The following CNNM4 variants were observed in gnomAD, a reference collection of about 807,000 sequenced individuals.
The protein encoded by CNNM4 is cyclin and CBS domain divalent metal cation transport mediator 4.
In CNNM4, 32 loss-of-function variants were observed where a neutral mutation model predicts 53.7. That is an observed-to-expected ratio of 0.60 (90% CI 0.45 to 0.80). The LOEUF (loss-of-function observed/expected upper bound fraction) is 0.80, where lower values mean the gene tolerates loss of function less well. CNNM4 is among the 30% of genes least tolerant of loss of function. The pLI, the probability that CNNM4 is intolerant of heterozygous loss-of-function variation, is 0.00. For missense variants in CNNM4, 784 were observed against 1,022.0 expected (o/e 0.77, Z 3.17); for synonymous variants, 410 against 440.0 (o/e 0.93, Z 0.85).
Position 96,797,484 on chromosome 2 carries a change from T to C in CNNM4, c.1547-29T>C, listed in dbSNP as rs2153349350. ...CTTCCTAAGTCCTCAGGGGTCTGTG[T>C]TCTCAATTCCACGCTCTTCTTCCGG... On this transcript the variant is annotated intron_variant, in intron 2 of 6. Coordinates refer to ENST00000377075, the MANE Select transcript of CNNM4 (RefSeq NM_020184.4). The surrounding 1 kb of genome is among the most constrained non-coding windows in gnomAD (Gnocchi z 6.0). 1 of 1,612,810 alleles carries C rather than the reference T, an allele frequency of 6.2e-7. No homozygotes were observed. The highest frequency in any genetic ancestry group is 2.2e-5 in the East Asian group (1 of 44,888).
chr2:96,769,023 G>A (rs1032136536), intron 1 of CNNM4, among the ~76,000 whole-genome samples: 8 of 151,942 alleles, frequency 5.3e-5, no homozygotes, highest in African/African-American at 9.7e-5. Flanking sequence ...AGGCCGAGGC[G>A]GGCGGATCAT....
intron 5 of CNNM4, 118 bp downstream of exon 5, chr2:96,799,766 G>A (rs2079142314): frequency 3.2e-6 from 3 of 927,896 alleles, no homozygotes; most frequent in Non-Finnish European, 5.2e-6. Flanking sequence ...CTGGGGCAGA[G>A]GGAGGCTGGT....
At position 96,796,960 on chromosome 2, in the gene CNNM4, G is replaced by A. The variant is rs554312110; in HGVS notation, c.1403-52G>A. ...TAGAGTTAATGTTTTGGTTGAGGGAGTCTCATGACTGGCCTCTGGGCTCTT... is the reference window on the plus strand; with the variant it reads ...TAGAGTTAATGTTTTGGTTGAGGGAATCTCATGACTGGCCTCTGGGCTCTT... On this transcript the variant is annotated intron_variant, in intron 1 of 6. Coordinates refer to ENST00000377075, the MANE Select transcript of CNNM4 (RefSeq NM_020184.4). The A allele has an allele frequency of 3.6e-5, 57 of 1,599,480 alleles. No individual in the cohort carries two copies. The Middle Eastern group carries it at 9.0e-4, about 25-fold the overall frequency.
intron 5 of CNNM4, 36 bp downstream of exon 5, chr2:96,799,684 C>CT: frequency 6.7e-7 from 1 of 1,484,046 alleles, no homozygotes; most frequent in Non-Finnish European, 9.2e-7. Context: ...TGCCCTTTGG[C>CT]CCCCCTGCAG....
At chr2:96,768,977 T>C (rs1450001556) in intron 1 of CNNM4, among the ~76,000 whole-genome samples, 1 of 152,070 alleles carries the variant, frequency 6.6e-6, no homozygotes. Flanking sequence ...AGAGGCCGGG[T>C]GCGGTGGCTT....
rs1024490932 is a variant in CNNM4, at chr2:96,776,553, GAGCACC to G, written c.1402+14155_1402+14160del. 5.3e-5 allele frequency among the ~76,000 whole-genome samples: 8 copies of G among 152,172 alleles called. No homozygotes were observed. In the South Asian group the frequency reaches 1.5e-3, roughly 28 times the overall value. Reference sequence around the variant, plus strand: ...AACCATTATCACCTACTGATCTATGGAGCACCAGGTCTTATTTCTTCTAAGTGTATA... The same window carrying G: ...AACCATTATCACCTACTGATCTATGGAGGTCTTATTTCTTCTAAGTGTATA... On this transcript the variant is annotated intron_variant, in intron 1 of 6. Transcript: ENST00000377075.
intron 1 of CNNM4, among the ~76,000 whole-genome samples, chr2:96,785,157 C>T (rs887309552): frequency 1.3e-5 from 2 of 152,148 alleles, no homozygotes; most frequent in Admixed American, 1.3e-4. Context: ...GGATTACAGG[C>T]ATGAGCCACT....
At chr2:96,804,811 C>T (rs966182814) in intron 5 of CNNM4, among the ~76,000 whole-genome samples, 50 of 151,686 alleles carry the variant, frequency 3.3e-4, no homozygotes, top group Admixed American at 1.7e-3. Context: ...GCTGGGATTA[C>T]GGGTGTGAGC....
At chr2:96,803,725 TAAA>T (rs75290184) in intron 5 of CNNM4, among the ~76,000 whole-genome samples, 1 of 143,530 alleles carries the variant, frequency 7.0e-6, no homozygotes, top group Non-Finnish European at 1.5e-5. Context: ...AAACTCTGTC[TAAA>T]AAAAAAAAAA....
In CNNM4 at chr2:96,799,076, C is replaced by T. The variant is rs569959107; in HGVS notation, c.1701C>T (p.Pro567=). The change falls in exon 4 of 7, where the codon CCC becomes CCT. Residue 567 remains proline, a synonymous_variant. Coordinates refer to ENST00000377075, the MANE Select transcript of CNNM4 (RefSeq NM_020184.4). ...CTACAGAGGTCTCTCAGTTTAGCCCCTCCCTGATATCAGAGAAGATCCTGC... is the reference window on the plus strand; with the variant it reads ...CTACAGAGGTCTCTCAGTTTAGCCCTTCCCTGATATCAGAGAAGATCCTGC... ...FLATEVSQFS[P]SLISEKILLR... 478 of 1,614,162 alleles carry T rather than the reference C, an allele frequency of 3.0e-4. 7 individuals carry two copies. In the South Asian group the frequency reaches 5.0e-3, roughly 17 times the overall value.
At chr2:96,795,465 T>C (rs2079094483) in intron 1 of CNNM4, among the ~76,000 whole-genome samples, 1 of 149,034 alleles carries the variant, frequency 6.7e-6, no homozygotes, top group African/African-American at 2.6e-5. Flanking sequence ...GGCATGTGTG[T>C]GAAAAACTTT....
rs535936606 is a variant in CNNM4 at position 96,809,330 on chromosome 2, A to T, written c.2141A>T (p.Gln714Leu). The change falls in exon 7 of 7, where the codon CAG becomes CTG. Residue 714 changes from glutamine (Q) to leucine (L), a missense_variant. Transcript: ENST00000377075. ...CCCTTCCTCATGCAGATCACTCGGC[A>T]GCAGTACCAGAACGGGCTGCTGGCT... ...VDLQYIKITR[Q>L]QYQNGLLASR... 2 of 1,614,090 alleles carry T rather than the reference A, an allele frequency of 1.2e-6. No individual in the cohort carries two copies. Among genetic ancestry groups the T allele is most frequent in the African/African-American group, 2.7e-5 (2 of 75,016 alleles).
At chr2:96,796,145 T>G (rs1037328522) in intron 1 of CNNM4, among the ~76,000 whole-genome samples, 2 of 135,328 alleles carry the variant, frequency 1.5e-5, no homozygotes, top group Non-Finnish European at 3.2e-5. Context: ...TTTTTTTTTT[T>G]TTTTTTTTTT....
At chr2:96,765,231 A>ATTCTTCTG in intron 1 of CNNM4, among the ~76,000 whole-genome samples, 1 of 149,000 alleles carries the variant, frequency 6.7e-6, no homozygotes, top group South Asian at 2.2e-4. Flanking sequence ...GGTTAAAGCG[A>ATTCTTCTG]TTCTTCTGCC....
chr2:96,803,697 G>T (rs1272562185), intron 5 of CNNM4, among the ~76,000 whole-genome samples: 1 of 150,352 alleles, frequency 6.7e-6, no homozygotes, highest in African/African-American at 2.5e-5. Flanking sequence ...TTGCGCTCTA[G>T]CCTGGGCAAC....
intron 1 of CNNM4, among the ~76,000 whole-genome samples, chr2:96,790,399 G>A (rs1406459506): frequency 1.3e-5 from 2 of 151,540 alleles, no homozygotes; most frequent in Admixed American, 6.6e-5. Context: ...TTGTTGCCCA[G>A]GCTGGAGTGC....
At chr2:96,803,615 A>G (rs927975831) in intron 5 of CNNM4, among the ~76,000 whole-genome samples, 2 of 151,992 alleles carry the variant, frequency 1.3e-5, no homozygotes, top group Non-Finnish European at 2.9e-5. Flanking sequence ...AATCCCAGCT[A>G]CTTGGGAGGC....
At chr2:96,807,084 C>T (rs917288452) in intron 5 of CNNM4, among the ~76,000 whole-genome samples, 13 of 152,182 alleles carry the variant, frequency 8.5e-5, no homozygotes, top group South Asian at 2.1e-4. Context: ...AATCTCGGCT[C>T]GTTACAACCT....
chr2:96,794,454 A>C (rs1308699205), intron 1 of CNNM4, among the ~76,000 whole-genome samples: 1 of 152,210 alleles, frequency 6.6e-6, no homozygotes, highest in African/African-American at 2.4e-5. Flanking sequence ...CTGTGAAGGC[A>C]GATGGCTCCA....
Sources: allele counts gnomAD v4.1 joint callset (sites outside exome capture counted in the v4.1 genomes callset), GRCh38; gene constraint gnomAD v4.1.1; non-coding constraint Gnocchi (gnomAD v3.1); transcripts MANE v1.5; gene names NCBI Gene and HGNC (gene_info 2026-07-23, HGNC 2026-07-21).